CLASP1: variants seen among roughly 807,000 people sequenced by gnomAD.
CLASP1 encodes CLIP-associating protein 1.
CLASP1 carries 38 observed loss-of-function variants against 192.3 expected under a neutral mutation model. The observed-to-expected ratio is 0.20, with a 90% confidence interval of 0.15 to 0.26. The LOEUF (loss-of-function observed/expected upper bound fraction) is 0.26, where lower values mean the gene tolerates loss of function less well. Among genes scored for constraint, CLASP1 ranks in the 10% least tolerant of loss-of-function variants. The probability of loss-of-function intolerance (pLI) is 1.00; values close to 1 mark genes in which losing one functional copy is unlikely to be tolerated. For missense variants in CLASP1, 1,433 were observed against 1,932.5 expected (o/e 0.74, Z 4.85); for synonymous variants, 691 against 712.8 (o/e 0.97, Z 0.49).
chr2:121,369,701 G>T lies in CLASP1; in HGVS notation c.3643-1870C>A, dbSNP rs578094013. Among the ~76,000 whole-genome samples, 4 of 152,270 alleles carry T rather than the reference G, an allele frequency of 2.6e-5. No individual in the cohort carries two copies. The South Asian group carries it at 8.3e-4, about 32-fold the overall frequency. ...TGCAAGCACTTCCCGTGTGGATGAA[G>T]TTTTTGTAACCACCATGTTTAATCA... On this transcript the variant is annotated intron_variant, in intron 34 of 39. Coordinates refer to ENST00000263710, the Ensembl canonical transcript of CLASP1.
intron 36 of CLASP1, chr2:121,364,693 C>G (rs890988810): frequency 4.7e-6 from 1 of 214,136 alleles, no homozygotes; most frequent in Non-Finnish European, 9.5e-6. Context: ...TGGAATGTAG[C>G]ATTTAATCAG....
intron 2 of CLASP1, among the ~76,000 whole-genome samples, chr2:121,583,862 T>A (rs550112567): frequency 6.6e-6 from 1 of 151,984 alleles, no homozygotes; most frequent in African/African-American, 2.4e-5. Flanking sequence ...AGACTAACAC[T>A]TTATGAAAGT....
At chr2:121,432,647 T>C (rs2081632047) in intron 19 of CLASP1, among the ~76,000 whole-genome samples, 1 of 152,230 alleles carries the variant, frequency 6.6e-6, no homozygotes, top group South Asian at 2.1e-4. Flanking sequence ...CAATATCTTT[T>C]GATAAAGTCT....
chr2:121,411,037 T>C (rs1317926873), intron 23 of CLASP1, 68 bp from the exon 25 acceptor site: 2 of 967,636 alleles, frequency 2.1e-6, no homozygotes, highest in South Asian at 1.6e-5. Context: ...TTGCAAGGAC[T>C]ACTGCCTCTT....
At chr2:121,364,470 T>G (rs1408156769) in intron 36 of CLASP1, 1 of 154,440 alleles carries the variant, frequency 6.5e-6, no homozygotes, top group Non-Finnish European at 1.4e-5. Context: ...CTCCCCCCTT[T>G]AAGAGTTCTC....
chr2:121,506,418 T>C (rs2093951591), intron 7 of CLASP1, among the ~76,000 whole-genome samples: 1 of 150,058 alleles, frequency 6.7e-6, no homozygotes. Flanking sequence ...AACTAACCAG[T>C]GACAACTGTT....
chr2:121,433,958 C>A (rs1019080694), intron 19 of CLASP1, among the ~76,000 whole-genome samples: 1 of 152,002 alleles, frequency 6.6e-6, no homozygotes, highest in African/African-American at 2.4e-5. Context: ...TTTGCATCTC[C>A]ACTGATAAAC....
chr2:121,459,258 G>A (rs2087361500), intron 12 of CLASP1, among the ~76,000 whole-genome samples: 1 of 151,864 alleles, frequency 6.6e-6, no homozygotes, highest in African/African-American at 2.4e-5. Context: ...GAACTCCTGG[G>A]CTCAATCAAT....
At chr2:121,442,130 A>C (rs2083451400) in intron 19 of CLASP1, among the ~76,000 whole-genome samples, 2 of 152,202 alleles carry the variant, frequency 1.3e-5, no homozygotes, top group Admixed American at 1.3e-4. Context: ...AAAAATATGA[A>C]TGCTTTTCCT....
intron 39 of CLASP1, among the ~76,000 whole-genome samples, chr2:121,342,597 C>T (rs1331760026): frequency 6.6e-6 from 1 of 151,890 alleles, no homozygotes; most frequent in East Asian, 1.9e-4. Context: ...CTAAAGCTAG[C>T]AGGAGAAAAC....
chr2:121,638,592 T>C (rs2071358824), intron 1 of CLASP1, among the ~76,000 whole-genome samples: 1 of 151,466 alleles, frequency 6.6e-6, no homozygotes, highest in Non-Finnish European at 1.5e-5. Flanking sequence ...CACCAACAAA[T>C]TAATGGATAA....
chr2:121,554,578 T>C (rs1161778375), intron 2 of CLASP1, among the ~76,000 whole-genome samples: 2 of 151,916 alleles, frequency 1.3e-5, no homozygotes, highest in Non-Finnish European at 2.9e-5. Context: ...TGCAGTGAGC[T>C]GAGATGGCAC....
intron 1 of CLASP1, among the ~76,000 whole-genome samples, chr2:121,638,152 A>T (rs2071260788): frequency 6.6e-6 from 1 of 152,090 alleles, no homozygotes; most frequent in Admixed American, 6.6e-5. Context: ...TAAGAAACAG[A>T]CTTGAACAGA....
At chr2:121,431,098 C>T (rs1381506225) in intron 19 of CLASP1, among the ~76,000 whole-genome samples, 1 of 151,838 alleles carries the variant, frequency 6.6e-6, no homozygotes, top group African/African-American at 2.4e-5. Flanking sequence ...TTATGTTGTT[C>T]AAAATCACTT....
In CLASP1 at chr2:121,371,440, T is replaced by C. The variant is rs1558920869; in HGVS notation, c.3643-3609A>G. Among the ~76,000 whole-genome samples, 4 of 151,898 alleles carry C rather than the reference T, an allele frequency of 2.6e-5. No individual in the cohort carries two copies. In the South Asian group the frequency reaches 8.3e-4, roughly 32 times the overall value. ...TTTTGTAGAGACAGGAGTCTCCCTA[T>C]GTTGCCCAGGCTGTTCTTGAACTCC... On this transcript the variant is annotated intron_variant, in intron 34 of 39. Coordinates refer to ENST00000263710, the Ensembl canonical transcript of CLASP1.
In CLASP1 at chr2:121,408,557, G is replaced by A. The variant is rs531200788; in HGVS notation, c.2425-842C>T. Among the ~76,000 whole-genome samples the A allele has an allele frequency of 5.3e-4, 80 of 152,252 alleles. 1 individual carries two copies. The highest frequency in any genetic ancestry group is 3.4e-3 in the Middle Eastern group (1 of 294). ...AAATATACTTCTTTAATAATATGGC[G>A]TATTATTGTTAATCCAACTTGCTCA... On this transcript the variant is annotated intron_variant, in intron 24 of 39. Coordinates refer to ENST00000263710, the Ensembl canonical transcript of CLASP1.
chr2:121,619,483 A>G (rs1304715664), intron 1 of CLASP1, among the ~76,000 whole-genome samples: 2 of 152,192 alleles, frequency 1.3e-5, no homozygotes, highest in Non-Finnish European at 2.9e-5. Flanking sequence ...AGTTATTTCC[A>G]CAAAAACATG....
intron 7 of CLASP1, among the ~76,000 whole-genome samples, chr2:121,508,534 T>A (rs924383552): frequency 1.6e-4 from 25 of 152,162 alleles, no homozygotes; most frequent in Non-Finnish European, 2.9e-5. Context: ...ATAAATAGAT[T>A]AAACCAATGG....
intron 8 of CLASP1, among the ~76,000 whole-genome samples, chr2:121,478,294 C>T (rs965628429): frequency 2.0e-5 from 3 of 151,958 alleles, no homozygotes; most frequent in Non-Finnish European, 4.4e-5. Flanking sequence ...AGAGAACTCC[C>T]GCAACCTGAT....
Sources: gnomAD v4.1 joint callset for allele counts (sites outside exome capture counted in the v4.1 genomes callset) on GRCh38, gnomAD v4.1.1 for gene constraint, MANE v1.5 for transcripts, NCBI Gene and HGNC (gene_info 2026-07-23, HGNC 2026-07-21) for gene names.